FOXN2: variants seen among roughly 807,000 people sequenced by gnomAD.
FOXN2 encodes forkhead box N2.
A neutral mutation model predicts 41.2 loss-of-function variants in FOXN2; 19 were observed. The observed-to-expected ratio is 0.46, with a 90% CI of 0.32 to 0.68. The LOEUF (loss-of-function observed/expected upper bound fraction) is 0.68, where lower values mean the gene tolerates loss of function less well. Among genes scored for constraint, FOXN2 ranks in the 30% least tolerant of loss-of-function variants. FOXN2 has a pLI of 0.03. For missense variants in FOXN2, 587 were observed against 509.4 expected (o/e 1.15, Z -1.47); for synonymous variants, 195 against 176.8 (o/e 1.10, Z -0.82).
chr2:48,367,233 G>T (rs1392081119), intron 5 of FOXN2, among the ~76,000 whole-genome samples: 4 of 152,026 alleles, frequency 2.6e-5, no homozygotes, highest in Non-Finnish European at 5.9e-5. Flanking sequence ...GGTTTGGTGT[G>T]TATTTAGAGT....
At chr2:48,334,035 G>A (rs967961468) in intron 2 of FOXN2, among the ~76,000 whole-genome samples, 1 of 152,054 alleles carries the variant, frequency 6.6e-6, no homozygotes. Context: ...TGAGGACTAA[G>A]ATATGGAAGT....
intron 2 of FOXN2, among the ~76,000 whole-genome samples, chr2:48,331,754 T>C (rs557732803): frequency 9.6e-4 from 145 of 151,594 alleles, no homozygotes; most frequent in African/African-American, 3.1e-3. Context: ...GAGCTTGAGG[T>C]TGCAGTGAGC....
At chr2:48,336,337 G>A (rs898687961) in intron 2 of FOXN2, among the ~76,000 whole-genome samples, 4 of 151,670 alleles carry the variant, frequency 2.6e-5, no homozygotes, top group South Asian at 2.1e-4. Flanking sequence ...GAACCTGGGA[G>A]GGGGAGGTTG....
chr2:48,346,866 G>C (rs975753236), intron 3 of FOXN2, 115 bp downstream of exon 3: 6 of 788,474 alleles, frequency 7.6e-6, no homozygotes, highest in Non-Finnish European at 1.2e-5. Context: ...AATTACTTCA[G>C]CTGAACTGAA....
rs1478222266 is a variant in FOXN2, at chr2:48,314,814, G to A, written c.-157G>A. The A allele has an allele frequency of 1.3e-5, 2 of 152,154 alleles. No homozygotes were observed. The highest frequency in any genetic ancestry group is 2.9e-5 in the Non-Finnish European group (2 of 68,058). 9.4% of individuals were successfully genotyped at this position (152,154 alleles called of 1,614,324 possible). ...TCCCTCGCCTCCCGGCCGAGCTGAC[G>A]GTGAGTCCCGGGCGGAGCGGTCCCC... On this transcript the variant is annotated splice_region_variant and 5_prime_UTR_variant, in exon 1 of 7. Coordinates refer to ENST00000340553, the MANE Select transcript of FOXN2 (RefSeq NM_002158.4).
At chr2:48,352,821 G>A (rs968734380) in intron 3 of FOXN2, among the ~76,000 whole-genome samples, 5 of 152,086 alleles carry the variant, frequency 3.3e-5, no homozygotes, top group Non-Finnish European at 7.4e-5. Flanking sequence ...GAGATACGTG[G>A]TATTAATTGA....
chr2:48,341,421 C>T (rs910185630), intron 2 of FOXN2, among the ~76,000 whole-genome samples: 1 of 152,132 alleles, frequency 6.6e-6, no homozygotes, highest in African/African-American at 2.4e-5. Flanking sequence ...GATGGGCCAA[C>T]TCACTCAAAA....
rs772354846 is a variant in FOXN2 at position 48,375,267 on chromosome 2, A to G, written c.1120A>G (p.Lys374Glu). The G allele has an allele frequency of 5.0e-6, 8 of 1,614,008 alleles. No individual in the cohort carries two copies. The highest frequency in any genetic ancestry group is 3.3e-5 in the Admixed American group (2 of 59,968). ...TGGCTATGCATCACAGCCTTGTGCA[A>G]AAATCTCTGAAAAAGGGCAGTCAGG... The part of the protein sequence containing the change: ...DSGYASQPCA[K>E]ISEKGQSGKK... The change falls in exon 7 of 7, where the codon AAA becomes GAA. Residue 374 changes from lysine (K) to glutamate (E), a missense_variant. Lys to Glu is a moderately conservative substitution (Grantham distance 56). Transcript: ENST00000340553.
chr2:48,325,656 A>G (rs1669612940), intron 1 of FOXN2, among the ~76,000 whole-genome samples: 3 of 152,142 alleles, frequency 2.0e-5, no homozygotes, highest in Non-Finnish European at 4.4e-5. Flanking sequence ...CCAGACAACA[A>G]ATATTTGAGC....
chr2:48,363,985 G>A (rs150358749), intron 5 of FOXN2, among the ~76,000 whole-genome samples: 7 of 152,206 alleles, frequency 4.6e-5, no homozygotes, highest in African/African-American at 1.7e-4. Context: ...CTGATCTTCT[G>A]AATGCCTGGG....
At chr2:48,326,669 A>T (rs1314035846) in intron 1 of FOXN2, among the ~76,000 whole-genome samples, 2 of 152,226 alleles carry the variant, frequency 1.3e-5, no homozygotes, top group African/African-American at 4.8e-5. Flanking sequence ...GAGTGCCAAC[A>T]TGCCACAAGT....
At chr2:48,317,406 G>T (rs1408054679) in intron 1 of FOXN2, among the ~76,000 whole-genome samples, 2 of 151,458 alleles carry the variant, frequency 1.3e-5, no homozygotes, top group African/African-American at 4.9e-5. Context: ...TTGAGATCAT[G>T]CCACTGCACT....
intron 5 of FOXN2, among the ~76,000 whole-genome samples, chr2:48,371,895 C>T (rs879294382): frequency 5.9e-5 from 9 of 152,072 alleles, no homozygotes; most frequent in Non-Finnish European, 1.2e-4. Flanking sequence ...TTGTATCTTG[C>T]AACTTTACTG....
chr2:48,319,085 G>A (rs892303105), intron 1 of FOXN2, among the ~76,000 whole-genome samples: 1 of 151,484 alleles, frequency 6.6e-6, no homozygotes, highest in Non-Finnish European at 1.5e-5. Context: ...GTTTACAGGT[G>A]TTAGAAGAAA....
intron 2 of FOXN2, among the ~76,000 whole-genome samples, chr2:48,343,455 A>G (rs1275440787): frequency 6.6e-6 from 1 of 152,204 alleles, no homozygotes. Flanking sequence ...TTAGGAATGC[A>G]AAAGTAAAAA....
At chr2:48,339,155 A>C (rs1000840377) in intron 2 of FOXN2, among the ~76,000 whole-genome samples, 2 of 152,202 alleles carry the variant, frequency 1.3e-5, no homozygotes, top group Admixed American at 1.3e-4. Flanking sequence ...GAATGAATAA[A>C]AAGGTCTTCT....
At chr2:48,336,418 A>AAAAT (rs535900555) in intron 2 of FOXN2, among the ~76,000 whole-genome samples, 29,165 of 147,286 alleles carry the variant, frequency 0.2, 3,342 homozygotes, top group East Asian at 0.45. Flanking sequence ...CAAAAAAAAA[A>AAAAT]ATATATATAT....
At chr2:48,320,336 G>A (rs1669218134) in intron 1 of FOXN2, among the ~76,000 whole-genome samples, 1 of 151,148 alleles carries the variant, frequency 6.6e-6, no homozygotes, top group Non-Finnish European at 1.5e-5. Flanking sequence ...TGTCGCCCAT[G>A]TTGGAGTGCA....
chr2:48,322,288 A>G (rs571113033), intron 1 of FOXN2, among the ~76,000 whole-genome samples: 93 of 152,114 alleles, frequency 6.1e-4, no homozygotes, highest in Non-Finnish European at 1.2e-3. Flanking sequence ...TTATTTTCCT[A>G]AATTCTTTTT....
Sources: allele counts gnomAD v4.1 joint callset (sites outside exome capture counted in the v4.1 genomes callset), GRCh38; gene constraint gnomAD v4.1.1; transcripts MANE v1.5; gene names NCBI Gene and HGNC (gene_info 2026-07-23, HGNC 2026-07-21).